The following GOLPH3 variants were observed in gnomAD, a reference collection of about 807,000 sequenced individuals.
GOLPH3 encodes the protein coat protein GPP34.
GOLPH3 carries 14 observed loss-of-function variants against 28.5 expected under a neutral mutation model. That is an observed-to-expected ratio of 0.49 (90% confidence interval 0.32 to 0.77). GOLPH3 has a LOEUF of 0.77. Among genes scored for constraint, GOLPH3 ranks in the 30% least tolerant of loss-of-function variants. The pLI is 0.03. For synonymous variants in GOLPH3, 158 were observed against 159.2 expected (o/e 0.99, Z 0.06); for missense variants, 350 against 393.7 (o/e 0.89, Z 0.94).
At chr5:32,146,459 A>AT in intron 1 of GOLPH3, among the ~76,000 whole-genome samples, 1 of 152,232 alleles carries the variant, frequency 6.6e-6, no homozygotes, top group East Asian at 1.9e-4. Flanking sequence ...CATCTGCCTG[A>AT]TTCCCTTTAT....
intron 1 of GOLPH3, among the ~76,000 whole-genome samples, chr5:32,162,085 CTTCAAG>C (rs2111888321): frequency 6.6e-6 from 1 of 151,294 alleles, no homozygotes; most frequent in South Asian, 2.1e-4. Context: ...TCAAGTGGTA[CTTCAAG>C]TTTCCAAATT....
chr5:32,158,504 A>C (rs1746504848), intron 1 of GOLPH3, among the ~76,000 whole-genome samples: 1 of 152,094 alleles, frequency 6.6e-6, no homozygotes, highest in Non-Finnish European at 1.5e-5. Flanking sequence ...CAAGAGACAG[A>C]CCCGGACCAA....
intron 1 of GOLPH3, among the ~76,000 whole-genome samples, chr5:32,160,383 T>G (rs563434912): frequency 1.3e-5 from 2 of 152,290 alleles, no homozygotes; most frequent in East Asian, 3.9e-4. Flanking sequence ...CAGCTGGAAG[T>G]AATATATTTC....
intron 1 of GOLPH3, among the ~76,000 whole-genome samples, chr5:32,165,994 A>G (rs1746700982): frequency 1.3e-5 from 2 of 152,222 alleles, no homozygotes; most frequent in African/African-American, 4.8e-5. Flanking sequence ...TAAAACAAAC[A>G]GTTCCTGTTT....
intron 2 of GOLPH3, among the ~76,000 whole-genome samples, chr5:32,136,957 T>C (rs909550691): frequency 1.3e-5 from 2 of 152,048 alleles, no homozygotes; most frequent in African/African-American, 4.8e-5. Context: ...GGTTTCTTGG[T>C]TTCTTTTTTT....
chr5:32,171,802 G>A (rs1355157372), intron 1 of GOLPH3, among the ~76,000 whole-genome samples: 1 of 151,998 alleles, frequency 6.6e-6, no homozygotes, highest in Non-Finnish European at 1.5e-5. Context: ...AAAAACATTA[G>A]CAGGGCGTGG....
At chr5:32,166,537 C>T (rs1017226676) in intron 1 of GOLPH3, among the ~76,000 whole-genome samples, 18 of 152,126 alleles carry the variant, frequency 1.2e-4, no homozygotes, top group African/African-American at 3.6e-4. Flanking sequence ...GCAGCATGGC[C>T]GGGCACAGTG....
chr5:32,134,350 C>A (rs1745887012), intron 3 of GOLPH3, among the ~76,000 whole-genome samples: 1 of 152,006 alleles, frequency 6.6e-6, no homozygotes. Flanking sequence ...GGACCACAGG[C>A]ATGTGCCACT....
chr5:32,173,937 GCGC>G lies in GOLPH3; in HGVS notation c.95_97del (p.Gly32del). 6.7e-7 allele frequency: 1 copy of G among 1,482,010 alleles called. No homozygotes were observed. Among genetic ancestry groups the G allele is most frequent in the Admixed American group, 2.3e-5 (1 of 43,406 alleles). 91.8% of individuals were successfully genotyped at this position (1,482,010 alleles called of 1,614,324 possible). ...CTGCGCGTCGTCCTCGCTGCTGCCG[GCGC>G]CGCCGCCCGCCGCCCGCTCCTTGTC... On this transcript the variant is annotated inframe_deletion, in exon 1 of 4. Coordinates refer to ENST00000265070, the MANE Select transcript of GOLPH3 (RefSeq NM_022130.4).
intron 1 of GOLPH3, among the ~76,000 whole-genome samples, chr5:32,149,612 ATAAC>A (rs1295376205): frequency 2.6e-5 from 4 of 152,264 alleles, no homozygotes; most frequent in African/African-American, 9.6e-5. Context: ...CTTGACAAAA[ATAAC>A]TAATCAAGAG....
chr5:32,153,953 T>C (rs1286994166), intron 1 of GOLPH3, among the ~76,000 whole-genome samples: 1 of 152,214 alleles, frequency 6.6e-6, no homozygotes, highest in East Asian at 1.9e-4. Context: ...ACAGGAAATG[T>C]ACGAGTTGAG....
intron 3 of GOLPH3, among the ~76,000 whole-genome samples, chr5:32,133,225 G>A (rs900951581): frequency 6.6e-6 from 1 of 152,164 alleles, no homozygotes; most frequent in Admixed American, 6.5e-5. Context: ...AGCAGCCATA[G>A]GTGAGAACCA....
intron 3 of GOLPH3, among the ~76,000 whole-genome samples, chr5:32,133,968 G>C (rs142579875): frequency 9.2e-5 from 14 of 152,230 alleles, no homozygotes; most frequent in Non-Finnish European, 1.9e-4. Flanking sequence ...TCAAGAATAC[G>C]TTTACGTTCT....
At chr5:32,136,729 C>T (rs1024412029) in intron 2 of GOLPH3, among the ~76,000 whole-genome samples, 1 of 152,182 alleles carries the variant, frequency 6.6e-6, no homozygotes, top group Non-Finnish European at 1.5e-5. Context: ...TCCATTGGAA[C>T]ATTCTGGATT....
chr5:32,125,068 C>T lies in GOLPH3; in HGVS notation c.*1144G>A, dbSNP rs1745646022. On this transcript the variant is annotated 3_prime_UTR_variant, in exon 4 of 4. Transcript: ENST00000265070. ...CCTAATTGTATATAAAAAATTAAAA[C>T]ATAGAGCTTTCTGTTACAAAATTCT... 6.6e-6 allele frequency: 1 copy of T among 152,574 alleles called. No homozygotes were observed. The highest frequency in any genetic ancestry group is 6.5e-5 in the Admixed American group (1 of 15,282). The allele number at this position is 152,574 out of a possible 1,614,324, so 9.5% of individuals were successfully genotyped here. A position where few individuals can be genotyped will look rare whatever the true frequency, so the allele number is the denominator to read the frequency against.
At chr5:32,152,553 G>A (rs530086422) in intron 1 of GOLPH3, among the ~76,000 whole-genome samples, 7 of 149,264 alleles carry the variant, frequency 4.7e-5, no homozygotes, top group South Asian at 2.1e-4. Flanking sequence ...GAGGCGAGGC[G>A]GGCGGATCAC....
In GOLPH3 at chr5:32,126,218, GGTGAACGCC is replaced by G; in HGVS notation, c.882_890del (p.Ala295_Thr297del). 6.2e-7 allele frequency: 1 copy of G among 1,609,014 alleles called. No homozygotes were observed. Among genetic ancestry groups the G allele is most frequent in the Non-Finnish European group, 8.5e-7 (1 of 1,175,690 alleles). ...TGGTTCACCCCGAGCAGAGTTACTT[GGTGAACGCC>G]GCCACCACCGCCCACAGAACCTCAT... On this transcript the variant is annotated inframe_deletion, in exon 4 of 4. Transcript: ENST00000265070.
intron 2 of GOLPH3, among the ~76,000 whole-genome samples, chr5:32,141,739 T>C (rs1027216507): frequency 3.3e-5 from 5 of 152,196 alleles, no homozygotes; most frequent in Admixed American, 6.5e-5. Flanking sequence ...GTGCCTGCGA[T>C]TGCAGGCGCG....
chr5:32,154,301 G>A (rs6859585), intron 1 of GOLPH3, among the ~76,000 whole-genome samples: 5 of 152,146 alleles, frequency 3.3e-5, no homozygotes, highest in African/African-American at 1.2e-4. Flanking sequence ...GGATTATAAA[G>A]GAAACCAAAT....
Sources: gnomAD v4.1 joint callset for allele counts (sites outside exome capture counted in the v4.1 genomes callset) on GRCh38, gnomAD v4.1.1 for gene constraint, MANE v1.5 for transcripts, NCBI Gene and HGNC (gene_info 2026-07-23, HGNC 2026-07-21) for gene names.